Variants in PEBP4 observed in about 807,000 individuals in gnomAD.
PEBP4 encodes phosphatidylethanolamine binding protein 4.
A neutral mutation model predicts 23.9 loss-of-function variants in PEBP4; 22 were observed. The observed-to-expected ratio is 0.92, with a 90% CI of 0.66 to 1.31. The LOEUF is 1.31. Among genes scored for constraint, PEBP4 ranks in the 40% most tolerant of loss-of-function variants. The pLI, the probability that PEBP4 is intolerant of heterozygous loss-of-function variation, is 0.00. For synonymous variants in PEBP4, 112 were observed against 99.3 expected, an observed-to-expected ratio of 1.13 and a Z score of -0.76; for missense variants, 324 against 281.7, an observed-to-expected ratio of 1.15 and a Z score of -1.07.
chr8:22,773,692 T>A (rs1456210943), intron 4 of PEBP4, among the ~76,000 whole-genome samples: 3 of 152,180 alleles, frequency 2.0e-5, no homozygotes, highest in African/African-American at 7.2e-5. Context: ...GTTCCCAATG[T>A]TGGCATCAGG....
intron 3 of PEBP4, among the ~76,000 whole-genome samples, chr8:22,853,009 G>T (rs1807577793): frequency 6.6e-6 from 1 of 152,190 alleles, no homozygotes; most frequent in Non-Finnish European, 1.5e-5. Flanking sequence ...TTCCAAGCGA[G>T]CTGCGAAGCG....
At chr8:22,812,417 G>T (rs551522896) in intron 4 of PEBP4, among the ~76,000 whole-genome samples, 53 of 152,304 alleles carry the variant, frequency 3.5e-4, no homozygotes, top group Middle Eastern at 3.4e-3. Flanking sequence ...CCACATACAA[G>T]TCTGGTTAAT....
chr8:22,820,746 G>A (rs143914520), intron 3 of PEBP4, among the ~76,000 whole-genome samples: 101 of 152,258 alleles, frequency 6.6e-4, no homozygotes, highest in African/African-American at 2.3e-3. Context: ...GAATGGCTAG[G>A]CCGTAAGGCA....
intron 4 of PEBP4, among the ~76,000 whole-genome samples, chr8:22,764,581 C>T (rs947618306): frequency 1.3e-5 from 2 of 152,076 alleles, no homozygotes; most frequent in South Asian, 2.1e-4. Context: ...TGTTCGCAGC[C>T]GAGTTCCTAG....
At chr8:22,820,972 T>C (rs548982479) in intron 3 of PEBP4, among the ~76,000 whole-genome samples, 1 of 152,100 alleles carries the variant, frequency 6.6e-6, no homozygotes, top group African/African-American at 2.4e-5. Flanking sequence ...GGTGGACTGA[T>C]TGCTTGAGCC....
chr8:22,898,367 G>C (rs1438164481), intron 3 of PEBP4, among the ~76,000 whole-genome samples: 5 of 124,240 alleles, frequency 4.0e-5, no homozygotes, highest in East Asian at 5.5e-4. Context: ...ACTCCAGCCT[G>C]AGCGACAGAG....
intron 6 of PEBP4, among the ~76,000 whole-genome samples, chr8:22,722,635 G>A (rs1411610695): frequency 6.6e-6 from 1 of 152,212 alleles, no homozygotes; most frequent in Non-Finnish European, 1.5e-5. Context: ...TAGACTGTAA[G>A]CCACTTGGGG....
In PEBP4 at chr8:22,744,366, G is replaced by A. The variant is rs529869050; in HGVS notation, c.358-17146C>T. ...TAGAACTGCCTAACTGTGGTCTTCC[G>A]GTCAGAGCCTGGACAGGAGCCACAG... On this transcript the variant is annotated intron_variant, in intron 4 of 6. Transcript: ENST00000256404. Among the ~76,000 whole-genome samples the A allele has an allele frequency of 3.9e-5, 6 of 152,214 alleles. No individual in the cohort carries two copies. In the East Asian group the frequency reaches 7.7e-4, roughly 20 times the overall value.
In PEBP4 at chr8:22,898,411, A is replaced by C. The variant is rs1174183850; in HGVS notation, c.258+21773T>G. 7.8e-3 allele frequency among the ~76,000 whole-genome samples: 1,124 copies of C among 145,012 alleles called. 39 individuals carry two copies. The highest frequency in any genetic ancestry group is 0.022 in the African/African-American group (872 of 39,630). ...CACCCCAAAAAAAAAAAAAAAAAAAAAAAAAAAAAAAAAAAAAAAACCCAC... is the reference window on the plus strand; with the variant it reads ...CACCCCAAAAAAAAAAAAAAAAAAACAAAAAAAAAAAAAAAAAAAACCCAC... On this transcript the variant is annotated intron_variant, in intron 3 of 6. Coordinates refer to ENST00000256404, the MANE Select transcript of PEBP4 (RefSeq NM_144962.3).
chr8:22,768,173 G>A (rs1389697488), intron 4 of PEBP4, among the ~76,000 whole-genome samples: 1 of 152,212 alleles, frequency 6.6e-6, no homozygotes, highest in Non-Finnish European at 1.5e-5. Flanking sequence ...TAATGCAGGA[G>A]TCTGGGAGCA....
intron 3 of PEBP4, among the ~76,000 whole-genome samples, chr8:22,911,710 A>G (rs1180661939): frequency 6.6e-6 from 1 of 151,992 alleles, no homozygotes; most frequent in Non-Finnish European, 1.5e-5. Flanking sequence ...TGACACTCCC[A>G]ACATACCGCT....
intron 3 of PEBP4, among the ~76,000 whole-genome samples, chr8:22,916,666 T>TCATG (rs139719259): frequency 7.6e-6 from 1 of 132,404 alleles, no homozygotes; most frequent in East Asian, 2.1e-4. Context: ...ATTCATTCAT[T>TCATG]CATGCATTCA....
intron 4 of PEBP4, among the ~76,000 whole-genome samples, chr8:22,758,806 G>C (rs946428831): frequency 2.0e-5 from 3 of 152,220 alleles, no homozygotes; most frequent in African/African-American, 7.2e-5. Flanking sequence ...GTATGGTGGG[G>C]TGGACAGCGC....
chr8:22,734,385 C>T (rs148462190), intron 4 of PEBP4, among the ~76,000 whole-genome samples: 18 of 152,294 alleles, frequency 1.2e-4, no homozygotes, highest in African/African-American at 4.1e-4. Flanking sequence ...AAGAAGGAGG[C>T]GCAGATCTGA....
At chr8:22,758,989 A>G (rs1199004938) in intron 4 of PEBP4, among the ~76,000 whole-genome samples, 1 of 146,270 alleles carries the variant, frequency 6.8e-6, no homozygotes, top group Non-Finnish European at 1.5e-5. Flanking sequence ...GGAGGGGAGG[A>G]CCATCTGCAG....
intron 3 of PEBP4, among the ~76,000 whole-genome samples, chr8:22,900,441 G>C (rs564510325): frequency 7.3e-4 from 111 of 152,192 alleles, no homozygotes; most frequent in African/African-American, 2.6e-3. Flanking sequence ...TTGAGGCCAG[G>C]GGTTCGAGAC....
intron 4 of PEBP4, among the ~76,000 whole-genome samples, chr8:22,789,428 T>C (rs1806093152): frequency 6.6e-6 from 1 of 151,908 alleles, no homozygotes; most frequent in Non-Finnish European, 1.5e-5. Flanking sequence ...GAAACTAGGG[T>C]CGTCCAACCT....
intron 4 of PEBP4, among the ~76,000 whole-genome samples, chr8:22,732,699 T>A (rs1407025859): frequency 6.6e-6 from 1 of 152,036 alleles, no homozygotes; most frequent in Non-Finnish European, 1.5e-5. Flanking sequence ...CATGTGCACA[T>A]GTATGTGAGT....
At chr8:22,860,205 T>TATGTATATATATAC (rs1563240374) in intron 3 of PEBP4, among the ~76,000 whole-genome samples, 3 of 101,280 alleles carry the variant, frequency 3.0e-5, no homozygotes, top group African/African-American at 4.6e-5. Flanking sequence ...TATATATATA[T>TATGTATATATATAC]ACACATATAT....
Sources: gnomAD v4.1 joint callset for allele counts (sites outside exome capture counted in the v4.1 genomes callset) on GRCh38, gnomAD v4.1.1 for gene constraint, MANE v1.5 for transcripts, NCBI Gene and HGNC (gene_info 2026-07-23, HGNC 2026-07-21) for gene names.